Variants in ABCC10 observed in about 807,000 individuals in gnomAD.
ABCC10 encodes the protein ATP-binding cassette sub-family C member 10.
In ABCC10, 110 loss-of-function variants were observed where a neutral mutation model predicts 143.2. The observed-to-expected ratio is 0.77, with a 90% CI of 0.66 to 0.90. The LOEUF (loss-of-function observed/expected upper bound fraction) is 0.90. ABCC10 is among the 40% of genes least tolerant of loss of function. ABCC10 has a pLI of 0.00. For missense variants in ABCC10, 1,700 were observed against 1,900.5 expected (o/e 0.89, Z 1.96); for synonymous variants, 805 against 846.7 (o/e 0.95, Z 0.85).
At chr6:43,447,142 A>G (rs1783181338) in intron 16 of ABCC10, 106 bp from the exon 17 acceptor site, 1 of 1,411,522 alleles carries the variant, frequency 7.1e-7, no homozygotes, top group Non-Finnish European at 9.6e-7. Flanking sequence ...CACCGCGCCC[A>G]GCCTCTGTTG....
chr6:43,440,818 C>CGCG (rs1449157418), intron 8 of ABCC10, among the ~76,000 whole-genome samples: 2 of 138,900 alleles, frequency 1.4e-5, no homozygotes, highest in Non-Finnish European at 3.1e-5. Context: ...GAGCCAAGAT[C>CGCG]GCGCCATTGT....
At chr6:43,441,333 G>A (rs573544102) in intron 8 of ABCC10, among the ~76,000 whole-genome samples, 31 of 152,074 alleles carry the variant, frequency 2.0e-4, no homozygotes, top group South Asian at 1.7e-3. Flanking sequence ...AAAATTAGCT[G>A]GGCATGGTGG....
intron 3 of ABCC10, among the ~76,000 whole-genome samples, chr6:43,433,869 C>T (rs1331478551): frequency 6.6e-6 from 1 of 152,200 alleles, no homozygotes; most frequent in Non-Finnish European, 1.5e-5. Flanking sequence ...CACTTTCCTG[C>T]CTGGGTCAAC....
At chr6:43,438,066 G>A in intron 7 of ABCC10, 53 bp downstream of exon 7, 2 of 1,561,854 alleles carry the variant, frequency 1.3e-6, no homozygotes, top group East Asian at 2.3e-5. Flanking sequence ...AGCAAACACT[G>A]AGCCCCTCTT....
At chr6:43,449,227 T>G in intron 20 of ABCC10, 23 bp downstream of exon 20, 1 of 1,611,136 alleles carries the variant, frequency 6.2e-7, no homozygotes, top group South Asian at 1.1e-5. Context: ...AAAGAGACAT[T>G]AGAGAGGGCC....
rs752402729 is a variant in ABCC10, at chr6:43,434,834, C to T, written c.1594C>T (p.Leu532Phe). 3.1e-6 allele frequency: 5 copies of T among 1,613,990 alleles called. No homozygotes were observed. The highest frequency in any genetic ancestry group is 4.2e-6 in the Non-Finnish European group (5 of 1,179,966). ...FITYVLMGHQ[L>F]TATKVFTALA... Reference sequence around the variant, plus strand: ...CACCTATGTCCTCATGGGGCACCAGCTCACTGCCACCAAGGTGAGGACCAG... The same window carrying T: ...CACCTATGTCCTCATGGGGCACCAGTTCACTGCCACCAAGGTGAGGACCAG... The change falls in exon 4 of 22, where the codon CTC becomes TTC. Residue 532 changes from leucine to phenylalanine, a missense_variant. By Grantham distance (22) the Leu-to-Phe change is conservative (BLOSUM62 0). Coordinates refer to ENST00000372530, the MANE Select transcript of ABCC10 (RefSeq NM_001198934.2).
chr6:43,431,238 T>C (rs2127381626), intron 2 of ABCC10, among the ~76,000 whole-genome samples: 1 of 152,336 alleles, frequency 6.6e-6, no homozygotes, highest in African/African-American at 2.4e-5. Flanking sequence ...ATATAAAAGC[T>C]GTATGTAAGT....
In ABCC10 at chr6:43,435,789, TC is replaced by T. The variant is rs1188858311; in HGVS notation, c.1649del (p.Pro550LeufsTer8). Reference sequence around the variant, plus strand: ...TGGCACTGGTGCGAATGCTCATTCTTCCTCTCAACAACTTCCCTTGGGTGAT... The same window carrying T: ...TGGCACTGGTGCGAATGCTCATTCTTCTCTCAACAACTTCCCTTGGGTGAT... ...ALALVRMLIL[P>X]LNNFPWVING... On this transcript the variant is annotated frameshift_variant, in exon 5 of 22. Coordinates refer to ENST00000372530, the MANE Select transcript of ABCC10 (RefSeq NM_001198934.2). LOFTEE classifies it high-confidence loss of function. 6.2e-7 allele frequency: 1 copy of T among 1,614,084 alleles called. No individual in the cohort carries two copies. The highest frequency in any genetic ancestry group is 8.5e-7 in the Non-Finnish European group (1 of 1,180,036).
At position 43,444,200 on chromosome 6, in the gene ABCC10, G is replaced by A. The variant is rs965984563; in HGVS notation, c.2536G>A (p.Gly846Arg). The A allele has an allele frequency of 3.1e-6, 5 of 1,614,060 alleles. No individual in the cohort carries two copies. The African/African-American group carries it at 5.3e-5, about 17-fold the overall frequency. ...SVQNPEKTKEGLEEEQSTSGR... is the reference protein window; with the variant it reads ...SVQNPEKTKERLEEEQSTSGR... ...ACAGAACCCAGAGAAAACAAAGGAG[G>A]GGCTGGAGGAGGAGCAGAGCACATC... The change falls in exon 12 of 22, where the codon GGG (glycine) becomes AGG (arginine). Residue 846 changes from glycine to arginine, a missense_variant. Physicochemically the swap from Gly to Arg is moderately radical, Grantham distance 125. Coordinates refer to ENST00000372530, the MANE Select transcript of ABCC10 (RefSeq NM_001198934.2).
chr6:43,427,679 G>T lies in ABCC10; in HGVS notation c.-90G>T, dbSNP rs1389617109. The T allele has an allele frequency of 3.9e-6, 2 of 506,708 alleles. No homozygotes were observed. The highest frequency in any genetic ancestry group is 3.6e-6 in the Non-Finnish European group (1 of 277,418). 31.4% of individuals were successfully genotyped at this position (506,708 alleles called of 1,614,324 possible). The stretch of plus-strand genomic sequence containing the variant: ...ACCAGTTCTCAGGATATCGGAATCC[G>T]GTGCACAGCAGCTTCTTCAGGTTTG... On this transcript the variant is annotated 5_prime_UTR_variant, in exon 1 of 22. Coordinates refer to ENST00000372530, the MANE Select transcript of ABCC10 (RefSeq NM_001198934.2).
At position 43,446,363 on chromosome 6, in the gene ABCC10, G is replaced by A. The variant is rs375025499; in HGVS notation, c.3461G>A (p.Arg1154Gln). 4.5e-5 allele frequency: 73 copies of A among 1,613,588 alleles called. No homozygotes were observed. Among genetic ancestry groups the A allele is most frequent in the East Asian group, 3.3e-4 (15 of 44,882 alleles). ...GCCACAATGCAGTGGCTGGACATTC[G>A]GCTACAGCTCATGGGGGCGGCAGTG... ...TSATMQWLDI[R>Q]LQLMGAAVVS... The change falls in exon 16 of 22, where the codon CGG becomes CAG. Residue 1154 changes from arginine to glutamine, a missense_variant. Arg to Gln is a conservative substitution (Grantham distance 43). Transcript: ENST00000372530.
At chr6:43,441,020 A>G (rs1212397363) in intron 8 of ABCC10, among the ~76,000 whole-genome samples, 3 of 150,736 alleles carry the variant, frequency 2.0e-5, no homozygotes, top group Non-Finnish European at 4.4e-5. Flanking sequence ...GGAGAATTGC[A>G]TGAACCCGAG....
At chr6:43,449,362 C>T in intron 20 of ABCC10, 60 bp from the exon 21 acceptor site, 1 of 1,535,454 alleles carries the variant, frequency 6.5e-7, no homozygotes, top group Non-Finnish European at 8.9e-7. Context: ...TTGGGCCAGG[C>T]CCAACCCACC....
At chr6:43,430,278 A>G (rs1422316437) in intron 2 of ABCC10, among the ~76,000 whole-genome samples, 1 of 151,750 alleles carries the variant, frequency 6.6e-6, no homozygotes, top group East Asian at 1.9e-4. Flanking sequence ...TTTACTAGAG[A>G]TGGAGTTTCA....
chr6:43,448,631 G>A (rs1783401106), intron 18 of ABCC10, among the ~76,000 whole-genome samples: 1 of 152,204 alleles, frequency 6.6e-6, no homozygotes, highest in African/African-American at 2.4e-5. Context: ...GCACCTCCGT[G>A]AAATGTAGGC....
intron 3 of ABCC10, among the ~76,000 whole-genome samples, chr6:43,433,996 T>C (rs921423768): frequency 6.6e-6 from 1 of 152,248 alleles, no homozygotes; most frequent in Non-Finnish European, 1.5e-5. Flanking sequence ...TGTCGACCCT[T>C]AGTGGAACAG....
At chr6:43,429,740 G>T (rs568892549) in intron 2 of ABCC10, among the ~76,000 whole-genome samples, 3 of 152,302 alleles carry the variant, frequency 2.0e-5, no homozygotes, top group East Asian at 3.9e-4. Flanking sequence ...AATTGGCCGG[G>T]CCCAGTGGCT....
chr6:43,442,530 C>T (rs150095666), intron 9 of ABCC10, among the ~76,000 whole-genome samples: 2 of 152,204 alleles, frequency 1.3e-5, no homozygotes, highest in East Asian at 3.9e-4. Flanking sequence ...AAGATCACAC[C>T]ATTGCACTCC....
At chr6:43,450,712 G>A (rs761752946), downstream of ABCC10, 2 of 1,614,124 alleles carry the variant, frequency 1.2e-6, no homozygotes, top group Non-Finnish European at 1.7e-6. This position sits in a 1 kb window ranked among gnomAD's most constrained non-coding sequence, Gnocchi z 4.5. Flanking sequence ...CTCAGGGTCA[G>A]CAACACAGTA....
Sources: gnomAD v4.1 joint callset for allele counts (sites outside exome capture counted in the v4.1 genomes callset) on GRCh38, gnomAD v4.1.1 for gene constraint, Gnocchi (gnomAD v3.1) non-coding constraint, MANE v1.5 for transcripts, NCBI Gene and HGNC (gene_info 2026-07-23, HGNC 2026-07-21) for gene names.